The following AGBL1 variants were observed in gnomAD, a reference collection of about 807,000 sequenced individuals.
AGBL1 encodes AGBL carboxypeptidase 1.
In AGBL1, 130 loss-of-function variants were observed where a neutral mutation model predicts 118.9. The observed-to-expected ratio is 1.09, with a 90% CI of 0.95 to 1.26. The LOEUF (loss-of-function observed/expected upper bound fraction) is 1.26. Ranked by LOEUF, AGBL1 falls within the 50% of genes most tolerant of loss-of-function variation. AGBL1 has a pLI of 0.00. For missense variants in AGBL1, 1,584 were observed against 1,298.1 expected (o/e 1.22, Z -3.38); for synonymous variants, 555 against 478.9 (o/e 1.16, Z -2.08).
At chr15:86,329,503 C>A (rs1276881630) in intron 17 of AGBL1, among the ~76,000 whole-genome samples, 2 of 152,100 alleles carry the variant, frequency 1.3e-5, no homozygotes, top group South Asian at 2.1e-4. Context: ...AGTCACCTCA[C>A]CCTTCCTGTG....
intron 23 of AGBL1, among the ~76,000 whole-genome samples, chr15:86,942,779 T>C (rs1431549815): frequency 1.3e-5 from 2 of 152,254 alleles, no homozygotes; most frequent in Non-Finnish European, 2.9e-5. Flanking sequence ...TTCTGGATTC[T>C]ATTTCATTCC....
chr15:86,264,562 A>C lies in AGBL1; in HGVS notation c.1391A>C (p.Lys464Thr). The C allele has an allele frequency of 6.2e-7, 1 of 1,614,054 alleles. No homozygotes were observed. The highest frequency in any genetic ancestry group is 2.2e-5 in the East Asian group (1 of 44,890). Residue 464 changes from lysine (K) to threonine (T), a missense_variant, in exon 11 of 23, where the codon AAA (lysine) becomes ACA (threonine). Coordinates refer to ENST00000614907, the MANE Select transcript of AGBL1 (RefSeq NM_001386094.1). ...ATCCCTGACATTCAGGCTTCCCCGA[A>C]AGCAGATGCCTGGGACGTAGATGCA... is the stretch of plus-strand genomic sequence containing the variant. The part of the protein sequence containing the change: ...SEIPDIQASP[K>T]ADAWDVDAIF...
intron 1 of AGBL1, among the ~76,000 whole-genome samples, chr15:86,126,735 A>C (rs1226632433): frequency 3.9e-5 from 6 of 152,244 alleles, no homozygotes; most frequent in Admixed American, 3.9e-4. Flanking sequence ...GACCTAGGGC[A>C]TAGGGAAAGA....
chr15:86,827,337 ATGTG>A (rs1293706215), intron 22 of AGBL1, among the ~76,000 whole-genome samples: 577 of 9,346 alleles, frequency 0.062, 146 homozygotes, highest in East Asian at 0.3. Context: ...ATATATATAT[ATGTG>A]TATATATATA....
intron 5 of AGBL1, among the ~76,000 whole-genome samples, chr15:86,206,761 G>C (rs989410189): frequency 6.6e-6 from 1 of 152,158 alleles, no homozygotes; most frequent in Admixed American, 6.5e-5. Context: ...TCTGTAGGTT[G>C]CCTGTTCACT....
intron 21 of AGBL1, among the ~76,000 whole-genome samples, chr15:86,653,756 A>G (rs1377581892): frequency 1.3e-5 from 2 of 152,148 alleles, no homozygotes; most frequent in Non-Finnish European, 2.9e-5. Context: ...TTTCATCATG[A>G]TGGCTTTCCA....
chr15:86,625,323 C>CT (rs781640705), intron 21 of AGBL1, among the ~76,000 whole-genome samples: 138 of 123,322 alleles, frequency 1.1e-3, no homozygotes, highest in Non-Finnish European at 1.8e-3. Context: ...ATTACTTTCT[C>CT]TTTTTTTGGC....
intron 23 of AGBL1, among the ~76,000 whole-genome samples, chr15:86,959,163 T>C (rs1209032724): frequency 3.3e-5 from 5 of 152,156 alleles, no homozygotes; most frequent in African/African-American, 7.2e-5. Context: ...AGCAATAGTT[T>C]AGTATTTATT....
At chr15:86,478,334 C>T (rs2082593610) in intron 18 of AGBL1, among the ~76,000 whole-genome samples, 1 of 152,176 alleles carries the variant, frequency 6.6e-6, no homozygotes, top group Non-Finnish European at 1.5e-5. Flanking sequence ...TAGAAAACCC[C>T]ATTGTCTCAG....
At chr15:86,316,878 T>G (rs974966864) in intron 17 of AGBL1, 1 of 152,262 alleles carries the variant, frequency 6.6e-6, no homozygotes, top group Non-Finnish European at 1.5e-5. Flanking sequence ...TGTTTTTCCC[T>G]CAGAGCAGGA....
chr15:86,261,851 G>A (rs977800790), intron 9 of AGBL1, among the ~76,000 whole-genome samples: 1 of 152,042 alleles, frequency 6.6e-6, no homozygotes, highest in Non-Finnish European at 1.5e-5. Flanking sequence ...GACTCACGGT[G>A]CCTTGGTAAA....
At chr15:86,665,146 AAC>A (rs1447665061) in intron 21 of AGBL1, among the ~76,000 whole-genome samples, 4 of 152,182 alleles carry the variant, frequency 2.6e-5, no homozygotes, top group Non-Finnish European at 5.9e-5. Context: ...GCCAATTTGA[AAC>A]ACATGATGTC....
intron 3 of AGBL1, among the ~76,000 whole-genome samples, chr15:86,151,106 G>C (rs1276667015): frequency 3.4e-5 from 5 of 146,304 alleles, no homozygotes; most frequent in Non-Finnish European, 7.5e-5. Context: ...TGAACAATGA[G>C]AACACATGGA....
In AGBL1 at chr15:86,635,346, C is replaced by G. The variant is rs1265010073; in HGVS notation, c.2995-38927C>G. Among the ~76,000 whole-genome samples the G allele has an allele frequency of 4.1e-5, 5 of 123,340 alleles. No individual in the cohort carries two copies. In the Admixed American group the frequency reaches 4.1e-4, roughly 10 times the overall value. The allele number at this position is 123,340 out of a possible 152,430, so 80.9% of individuals were successfully genotyped here. On this transcript the variant is annotated intron_variant, in intron 21 of 22. Coordinates refer to ENST00000614907, the MANE Select transcript of AGBL1 (RefSeq NM_001386094.1). ...TCCTCCTCCTCCTCCTCCTACTCCT[C>G]TTACTCCTCCTCCTCCTTCTCTTGC...
chr15:86,131,899 G>A (rs559419459), intron 1 of AGBL1, among the ~76,000 whole-genome samples: 28 of 151,706 alleles, frequency 1.8e-4, no homozygotes, highest in Non-Finnish European at 3.8e-4. Flanking sequence ...TTGAGGCTTC[G>A]GTGAGTTGTG....
chr15:86,922,347 A>G (rs1168563990), intron 23 of AGBL1, among the ~76,000 whole-genome samples: 1 of 152,142 alleles, frequency 6.6e-6, no homozygotes, highest in African/African-American at 2.4e-5. Context: ...CTGGAGTGCA[A>G]TGGCACAATC....
chr15:86,811,483 C>A (rs996940916), intron 22 of AGBL1, among the ~76,000 whole-genome samples: 2 of 152,130 alleles, frequency 1.3e-5, no homozygotes, highest in South Asian at 4.1e-4. Flanking sequence ...AAAAACAATT[C>A]TCTAAGATGG....
At chr15:86,138,509 C>G (rs2076919279) in intron 1 of AGBL1, 1 of 152,218 alleles carries the variant, frequency 6.6e-6, no homozygotes, top group Non-Finnish European at 1.5e-5. Context: ...GAAGGTTGTG[C>G]TGTCATCCAT....
chr15:87,017,116 C>T (rs1295273894), intron 24 of AGBL1, among the ~76,000 whole-genome samples: 1 of 152,130 alleles, frequency 6.6e-6, no homozygotes, highest in Non-Finnish European at 1.5e-5. Flanking sequence ...CCAGTGGCAA[C>T]AGGCTGGAGT....
Sources: gnomAD v4.1 joint callset for allele counts (sites outside exome capture counted in the v4.1 genomes callset) on GRCh38, gnomAD v4.1.1 for gene constraint, MANE v1.5 for transcripts, NCBI Gene and HGNC (gene_info 2026-07-23, HGNC 2026-07-21) for gene names.